Variants in TNXB observed in about 807,000 individuals in gnomAD.
TNXB encodes tenascin XB.
A neutral mutation model predicts 340.5 loss-of-function variants in TNXB; 183 were observed. The ratio of observed to expected loss-of-function variants is 0.54; its 90% CI spans 0.48 to 0.61. TNXB has a LOEUF of 0.61. Ranked by LOEUF, TNXB falls within the 20% of genes least tolerant of loss-of-function variation. TNXB has a pLI of 0.00. For missense variants in TNXB, 4,613 were observed against 5,446.4 expected (o/e 0.85, Z 4.82); for synonymous variants, 2,121 against 2,314.5 (o/e 0.92, Z 2.40).
In TNXB at chr6:32,065,047, G is replaced by A. The variant is rs759305147; in HGVS notation, c.6615C>T (p.Ile2205=). 3.1e-6 allele frequency: 5 copies of A among 1,605,752 alleles called. No homozygotes were observed. The highest frequency in any genetic ancestry group is 4.2e-6 in the Non-Finnish European group (5 of 1,176,700). ...LRLGQMTVRD[I]TSDSLSLSWT... ...AGGAGAGGCTGAGGGAGTCGGAGGT[G>A]ATGTCTCTCACTGTCATCTGCCCTA... The change falls in exon 19 of 44, where the codon ATC becomes ATT. Residue 2205 remains isoleucine, a synonymous_variant. Transcript: ENST00000644971.
intron 1 of TNXB, among the ~76,000 whole-genome samples, chr6:32,105,835 T>C (rs1479748917): frequency 6.6e-6 from 1 of 152,226 alleles, no homozygotes; most frequent in Non-Finnish European, 1.5e-5. Context: ...CCTAGGAATA[T>C]ACCCAACATA....
chr6:32,087,348 G>A lies in TNXB; in HGVS notation c.2780-1230C>T, dbSNP rs775999884. The A allele has an allele frequency of 1.5e-5, 7 of 482,274 alleles. No homozygotes were observed. In the Admixed American group the frequency reaches 1.5e-4, roughly 11 times the overall value. 29.9% of individuals were successfully genotyped at this position (482,274 alleles called of 1,614,324 possible). A position where few individuals can be genotyped will look rare whatever the true frequency, so the allele number is the denominator to read the frequency against. On this transcript the variant is annotated intron_variant, in intron 6 of 43. Coordinates refer to ENST00000644971, the MANE Select transcript of TNXB (RefSeq NM_001365276.2). The surrounding 1 kb of genome is among the most constrained non-coding windows in gnomAD (Gnocchi z 9.0). ...TGGTGCCGGGCCTGAGGTCGGGCAGGCTGACGGTGCGCGTGGTGCCCGGCA... is the reference window on the plus strand; with the variant it reads ...TGGTGCCGGGCCTGAGGTCGGGCAGACTGACGGTGCGCGTGGTGCCCGGCA...
In TNXB at chr6:32,046,038, C is replaced by G; in HGVS notation, c.10606+137G>C. On this transcript the variant is annotated intron_variant, in intron 31 of 43. Coordinates refer to ENST00000644971, the MANE Select transcript of TNXB (RefSeq NM_001365276.2). The surrounding 1 kb of genome is among the most constrained non-coding windows in gnomAD (Gnocchi z 6.9). ...ATGTTGAAGCCCACAGGGCTGCAGA[C>G]TCCTCCTCCTTCCTGGGGACAGGCC... is the stretch of plus-strand genomic sequence containing the variant. The G allele has an allele frequency of 7.0e-7, 1 of 1,426,788 alleles. No homozygotes were observed. The highest frequency in any genetic ancestry group is 9.1e-7 in the Non-Finnish European group (1 of 1,094,274). The allele number at this position is 1,426,788 out of a possible 1,614,324, so 88.4% of individuals were successfully genotyped here. A position where few individuals can be genotyped will look rare whatever the true frequency, so the allele number is the denominator to read the frequency against.
intron 19 of TNXB, among the ~76,000 whole-genome samples, chr6:32,063,404 GAAA>G (rs529135591): frequency 9.0e-6 from 1 of 110,930 alleles, no homozygotes; most frequent in Non-Finnish European, 2.0e-5. Flanking sequence ...TCAACATAAA[GAAA>G]AAAAAAAAAA....
In TNXB at chr6:32,057,539, T is replaced by A. The variant is rs184114787; in HGVS notation, c.7825+519A>T. 2.7e-4 allele frequency among the ~76,000 whole-genome samples: 41 copies of A among 152,266 alleles called. 2 individuals carry two copies. The East Asian group carries it at 7.7e-3, about 29-fold the overall frequency. On this transcript the variant is annotated intron_variant, in intron 22 of 43. Coordinates refer to ENST00000644971, the MANE Select transcript of TNXB (RefSeq NM_001365276.2). ...CACAGGCACAGCTGCTGGGGCCATC[T>A]CAGCACAGACCTGGGCAACCACATC...
rs988305967 is a variant in TNXB at position 32,046,948 on chromosome 6, T to A, written c.10325-492A>T. Among the ~76,000 whole-genome samples the A allele has an allele frequency of 2.6e-5, 4 of 152,178 alleles. No individual in the cohort carries two copies. The highest frequency in any genetic ancestry group is 9.7e-5 in the African/African-American group (4 of 41,430). On this transcript the variant is annotated intron_variant, in intron 30 of 43. Transcript: ENST00000644971. This position sits in a 1 kb window ranked among gnomAD's most constrained non-coding sequence, Gnocchi z 6.9. Reference sequence around the variant, plus strand: ...TCTCCCCCTTGTCCCCTTGTGGCCATCAGCCTGAACATCCGTGCCTCCTGC... The same window carrying A: ...TCTCCCCCTTGTCCCCTTGTGGCCAACAGCCTGAACATCCGTGCCTCCTGC...
chr6:32,096,949 T>G lies in TNXB; in HGVS notation c.904A>C (p.Thr302Pro), dbSNP rs1150752. The change falls in exon 3 of 44, where the codon ACT becomes CCT. Residue 302 changes from threonine to proline, a missense_variant. Physicochemically the swap from Thr to Pro is conservative, Grantham distance 38. Around this residue, in one of 7 missense-constraint regions of TNXB, gnomAD observed 4,327 missense variants for 4,859.4 expected, o/e 0.89. Coordinates refer to ENST00000644971, the MANE Select transcript of TNXB (RefSeq NM_001365276.2). ...CTCCTCACCCCACAGTCCTCGCCAG[T>G]GTAGCCGGGGTTACACACGCAGCGC... ...NGRCVCNPGY[T>P]GEDCGVRSCP... 2.5e-6 allele frequency: 4 copies of G among 1,611,012 alleles called. No homozygotes were observed. The highest frequency in any genetic ancestry group is 3.4e-6 in the Non-Finnish European group (4 of 1,178,886).
At position 32,046,646 on chromosome 6, in the gene TNXB, T is replaced by G. The variant is rs1582339057; in HGVS notation, c.10325-190A>C. 1 of 502,456 alleles carries G rather than the reference T, an allele frequency of 2.0e-6. No homozygotes were observed. Among genetic ancestry groups the G allele is most frequent in the Non-Finnish European group, 3.4e-6 (1 of 290,676 alleles). The allele number at this position is 502,456 out of a possible 1,614,324, so 31.1% of individuals were successfully genotyped here. ...ATGAGGGAGAACAGCCCCCTCCTCCTCTGGAGGCTGCTGCCCAAACTCCTT... is the reference window on the plus strand; with the variant it reads ...ATGAGGGAGAACAGCCCCCTCCTCCGCTGGAGGCTGCTGCCCAAACTCCTT... On this transcript the variant is annotated intron_variant, in intron 30 of 43. Coordinates refer to ENST00000644971, the MANE Select transcript of TNXB (RefSeq NM_001365276.2). The surrounding 1 kb of genome is among the most constrained non-coding windows in gnomAD (Gnocchi z 6.9).
intron 29 of TNXB, 131 bp from the exon 30 acceptor site, chr6:32,048,143 G>C (rs1777020557): frequency 1.6e-6 from 2 of 1,241,100 alleles, no homozygotes; most frequent in African/African-American, 3.0e-5. Context: ...AGGAATAAAA[G>C]AGGAGCCAGA....
At chr6:32,101,258 AGTAG>A (rs542462865) in intron 1 of TNXB, among the ~76,000 whole-genome samples, 162 of 152,256 alleles carry the variant, frequency 1.1e-3, no homozygotes, top group Middle Eastern at 6.8e-3. Context: ...CAGCCTCTGG[AGTAG>A]CTAGGATACA....
At position 32,050,324 on chromosome 6, in the gene TNXB, G is replaced by A. The variant is rs773141010; in HGVS notation, c.9116-3C>T. ...GGTCTCGGCTTCATCCTTTGGAGCT[G>A]GACAGACACGTGTGGGGACAGTGAG... is the stretch of plus-strand genomic sequence containing the variant. On this transcript the variant is annotated splice_polypyrimidine_tract_variant and splice_region_variant and intron_variant, in intron 26 of 43. Transcript: ENST00000644971. 1.2e-6 allele frequency: 2 copies of A among 1,611,592 alleles called. No individual in the cohort carries two copies. Among genetic ancestry groups the A allele is most frequent in the Non-Finnish European group, 1.7e-6 (2 of 1,178,578 alleles).
Position 32,061,323 on chromosome 6 carries a change from G to T in TNXB, c.7492+74C>A. ...GACAAGTCTGGACCCACAGGGCTTG[G>T]TGAAAGGGCACAGCAGTAAACCAGG... On this transcript the variant is annotated intron_variant, in intron 21 of 43. Coordinates refer to ENST00000644971, the MANE Select transcript of TNXB (RefSeq NM_001365276.2). The surrounding 1 kb of genome is among the most constrained non-coding windows in gnomAD (Gnocchi z 4.4). 1.3e-6 allele frequency: 2 copies of T among 1,561,466 alleles called. No homozygotes were observed. The highest frequency in any genetic ancestry group is 2.3e-5 in the South Asian group (2 of 85,458).
At position 32,083,507 on chromosome 6, in the gene TNXB, C is replaced by T. The variant is rs1187272641; in HGVS notation, c.3445+906G>A. 6.6e-6 allele frequency among the ~76,000 whole-genome samples: 1 copy of T among 152,138 alleles called. No homozygotes were observed. Among genetic ancestry groups the T allele is most frequent in the African/African-American group, 2.4e-5 (1 of 41,414 alleles). On this transcript the variant is annotated intron_variant, in intron 8 of 43. Transcript: ENST00000644971. This position sits in a 1 kb window ranked among gnomAD's most constrained non-coding sequence, Gnocchi z 4.6. ...GATATTGATCTAAGTTTATCTAAGG[C>T]GTTGTTCCCCACCTCTGCTGCTCCC... is the stretch of plus-strand genomic sequence containing the variant.
In TNXB at chr6:32,095,886, C is replaced by A; in HGVS notation, c.1967G>T (p.Cys656Phe). The change falls in exon 3 of 44, where the codon TGC (cysteine) becomes TTC (phenylalanine). Residue 656 changes from cysteine to phenylalanine, a missense_variant. Transcript: ENST00000644971. ...TTGCACACACCGCCCACGTCCCCGG[C>A]AGTCAGCCGGGCACATGCGGGTGGC... ...TCATRMCPAD[C>F]RGRGRCVQGV... 1 of 1,612,674 alleles carries A rather than the reference C, an allele frequency of 6.2e-7. No individual in the cohort carries two copies. Among genetic ancestry groups the A allele is most frequent in the Non-Finnish European group, 8.5e-7 (1 of 1,179,458 alleles).
intron 24 of TNXB, among the ~76,000 whole-genome samples, chr6:32,054,713 C>T (rs973764464): frequency 6.6e-6 from 1 of 152,180 alleles, no homozygotes; most frequent in East Asian, 1.9e-4. Flanking sequence ...CTTGTGCCCA[C>T]AATTGTGAGC....
chr6:32,060,230 G>C (rs184025183), intron 21 of TNXB, among the ~76,000 whole-genome samples: 11 of 150,084 alleles, frequency 7.3e-5, no homozygotes, highest in Non-Finnish European at 1.5e-4. Context: ...TACTCGGGAG[G>C]CTGAGGCAGG....
In TNXB at chr6:32,053,369, G is replaced by T. The variant is rs1173069636; in HGVS notation, c.8791+19C>A. The stretch of plus-strand genomic sequence containing the variant: ...ACCCTCCCACAGGCCCCACTCTGGG[G>T]CTCCCATCGTACACTCACCTGTCAC... On this transcript the variant is annotated intron_variant, in intron 25 of 43. Coordinates refer to ENST00000644971, the MANE Select transcript of TNXB (RefSeq NM_001365276.2). 1 of 1,607,490 alleles carries T rather than the reference G, an allele frequency of 6.2e-7. No homozygotes were observed.
rs765490990 is a variant in TNXB at position 32,058,345 on chromosome 6, C to T, written c.7538G>A (p.Gly2513Asp). The T allele has an allele frequency of 9.3e-6, 15 of 1,611,468 alleles. No individual in the cohort carries two copies. The highest frequency in any genetic ancestry group is 1.3e-5 in the African/African-American group (1 of 74,448). Reference sequence around the variant, plus strand: ...CTCGGGGGGCCCTGGGGCCTCTGTGCCTGGTTCTGTAGGGCTGGGGGTCTC... The same window carrying T: ...CTCGGGGGGCCCTGGGGCCTCTGTGTCTGGTTCTGTAGGGCTGGGGGTCTC... The part of the protein sequence containing the change: ...VDETPSPTEP[G>D]TEAPGPPEEP... Residue 2513 changes from glycine (G) to aspartate (D), a missense_variant, in exon 22 of 44, where the codon GGC (glycine) becomes GAC (aspartate). Around this residue, in one of 7 missense-constraint regions of TNXB, gnomAD observed 4,327 missense variants for 4,859.4 expected, o/e 0.89. Coordinates refer to ENST00000644971, the MANE Select transcript of TNXB (RefSeq NM_001365276.2). This position sits in a 1 kb window ranked among gnomAD's most constrained non-coding sequence, Gnocchi z 5.1.
intron 19 of TNXB, among the ~76,000 whole-genome samples, chr6:32,063,285 G>A (rs1364184245): frequency 6.6e-6 from 1 of 152,156 alleles, no homozygotes; most frequent in African/African-American, 2.4e-5. Context: ...CTACTCGGAA[G>A]GCTGAGGCAG....
Sources: gnomAD v4.1 joint callset for allele counts (sites outside exome capture counted in the v4.1 genomes callset) on GRCh38, gnomAD v4.1.1 for gene constraint, gnomAD v4.1.1 regional missense constraint, Gnocchi (gnomAD v3.1) non-coding constraint, MANE v1.5 for transcripts, NCBI Gene and HGNC (gene_info 2026-07-23, HGNC 2026-07-21) for gene names.